The following LRRC36 variants were observed in gnomAD, a reference collection of about 807,000 sequenced individuals.
LRRC36 encodes leucine rich repeat containing 36.
A neutral mutation model predicts 81.1 loss-of-function variants in LRRC36; 62 were observed. That is an observed-to-expected ratio of 0.76 (90% CI 0.62 to 0.94). The LOEUF is 0.94. Among genes scored for constraint, LRRC36 ranks in the 40% least tolerant of loss-of-function variants. The pLI is 0.00. For missense variants in LRRC36, 761 were observed against 881.7 expected (o/e 0.86, Z 1.73); for synonymous variants, 334 against 348.6 (o/e 0.96, Z 0.47).
At chr16:67,353,717 TATCTC>T (rs1203209261) in intron 5 of LRRC36, among the ~76,000 whole-genome samples, 4 of 152,144 alleles carry the variant, frequency 2.6e-5, no homozygotes, top group African/African-American at 9.7e-5. Flanking sequence ...CATGGTTAAT[TATCTC>T]AGTTAATCCT....
chr16:67,363,503 T>C, intron 5 of LRRC36, 87 bp from the exon 6 acceptor site: 1 of 1,395,444 alleles, frequency 7.2e-7, no homozygotes, highest in Non-Finnish European at 9.9e-7. Context: ...ATCTTGTGAC[T>C]TTCCTTTTAG....
chr16:67,335,565 T>C (rs1242985827), intron 1 of LRRC36, among the ~76,000 whole-genome samples: 2 of 152,202 alleles, frequency 1.3e-5, no homozygotes, highest in South Asian at 2.1e-4. Flanking sequence ...TTTACGAAGA[T>C]GACGGAATTA....
intron 1 of LRRC36, among the ~76,000 whole-genome samples, chr16:67,332,336 G>A (rs563468096): frequency 2.6e-5 from 4 of 152,258 alleles, no homozygotes; most frequent in African/African-American, 9.6e-5. Context: ...GGCGAATCAC[G>A]AGGTCAGGAG....
At chr16:67,346,676 T>C (rs1354829225) in intron 3 of LRRC36, among the ~76,000 whole-genome samples, 2 of 152,202 alleles carry the variant, frequency 1.3e-5, no homozygotes, top group Non-Finnish European at 2.9e-5. Context: ...TTTTCTTCAG[T>C]TGATGGTTTC....
intron 2 of LRRC36, among the ~76,000 whole-genome samples, chr16:67,344,428 GAAACAAAC>G (rs1223944106): frequency 6.6e-6 from 1 of 151,952 alleles, no homozygotes; most frequent in Non-Finnish European, 1.5e-5. Flanking sequence ...CTACAAAACA[GAAACAAAC>G]AAACAAACAA....
Position 67,378,526 on chromosome 16 carries a change from C to T in LRRC36, c.1807-63C>T, listed in dbSNP as rs2039995794. ...AAGTGCTAGGATTACAGGCGTGAGC[C>T]ACGGCACCCAGCCTAGAATGTCAGA... is the stretch of plus-strand genomic sequence containing the variant. On this transcript the variant is annotated intron_variant, in intron 11 of 13. Coordinates refer to ENST00000329956, the MANE Select transcript of LRRC36 (RefSeq NM_018296.6). 2.6e-6 allele frequency: 4 copies of T among 1,546,040 alleles called. No individual in the cohort carries two copies. In the South Asian group the frequency reaches 4.5e-5, roughly 18 times the overall value.
intron 13 of LRRC36, among the ~76,000 whole-genome samples, chr16:67,383,814 C>T (rs982719503): frequency 6.6e-6 from 1 of 152,192 alleles, no homozygotes; most frequent in African/African-American, 2.4e-5. Flanking sequence ...CCTTTCCTGT[C>T]TTTGCTGTCC....
At chr16:67,354,527 C>T (rs2038811317) in intron 5 of LRRC36, among the ~76,000 whole-genome samples, 3 of 152,184 alleles carry the variant, frequency 2.0e-5, no homozygotes, top group African/African-American at 7.2e-5. Context: ...ATCCACCCAC[C>T]TGGGCCTCCC....
chr16:67,346,779 A>G (rs928606109), intron 3 of LRRC36, among the ~76,000 whole-genome samples: 3 of 152,196 alleles, frequency 2.0e-5, no homozygotes, highest in Admixed American at 2.0e-4. Context: ...TAGAAAGCTA[A>G]TACAATTTAT....
At chr16:67,335,975 G>T (rs527260696) in intron 1 of LRRC36, among the ~76,000 whole-genome samples, 9 of 152,102 alleles carry the variant, frequency 5.9e-5, no homozygotes, top group Admixed American at 5.9e-4. Context: ...CAGGTGATCC[G>T]CCCGTCTCGG....
chr16:67,385,137 T>A lies in LRRC36; in HGVS notation c.*48T>A. On this transcript the variant is annotated 3_prime_UTR_variant, in exon 14 of 14. Transcript: ENST00000329956. The stretch of plus-strand genomic sequence containing the variant: ...CAGCTTCCCTGGTCCACAGAGGCTC[T>A]CACCGCCATTGCCACCAGTATGGTG... The A allele has an allele frequency of 7.0e-7, 1 of 1,422,032 alleles. No homozygotes were observed. The highest frequency in any genetic ancestry group is 9.9e-7 in the Non-Finnish European group (1 of 1,012,272). The allele number at this position is 1,422,032 out of a possible 1,614,324, so 88.1% of individuals were successfully genotyped here.
At chr16:67,382,779 C>A (rs148040286) in intron 13 of LRRC36, among the ~76,000 whole-genome samples, 12,359 of 152,126 alleles carry the variant, frequency 0.081, 784 homozygotes, top group African/African-American at 0.18. Flanking sequence ...GTCAAGAGAT[C>A]GAGACCATCC....
intron 5 of LRRC36, among the ~76,000 whole-genome samples, chr16:67,357,181 G>T (rs1208694692): frequency 6.6e-6 from 1 of 152,088 alleles, no homozygotes; most frequent in African/African-American, 2.4e-5. Context: ...GCAGTGTTTT[G>T]CTATATAGTT....
chr16:67,348,121 C>T (rs1355685806), intron 4 of LRRC36, among the ~76,000 whole-genome samples: 7 of 152,164 alleles, frequency 4.6e-5, no homozygotes, highest in Non-Finnish European at 2.9e-5. Context: ...CTTCTACCCC[C>T]AAACCTATGC....
At chr16:67,375,534 A>AG in intron 10 of LRRC36, 122 bp downstream of exon 10, 1 of 729,232 alleles carries the variant, frequency 1.4e-6, no homozygotes, top group Non-Finnish European at 2.1e-6. Flanking sequence ...TCACATCCTG[A>AG]AACATCTCAG....
intron 1 of LRRC36, among the ~76,000 whole-genome samples, chr16:67,337,370 CTT>C (rs200896654): frequency 3.6e-5 from 5 of 139,436 alleles, no homozygotes; most frequent in Non-Finnish European, 4.7e-5. Context: ...TCTTTTCTTT[CTT>C]TTTTTTTTTT....
rs562641529 is a variant in LRRC36 at position 67,341,916 on chromosome 16, G to A, written c.71-41G>A. On this transcript the variant is annotated intron_variant, in intron 1 of 13. Transcript: ENST00000329956. The stretch of plus-strand genomic sequence containing the variant: ...CTTTCACTGACTCTGCTGTTGATCC[G>A]AGCAGGGATCATAATATATCTACTG... 1.6e-5 allele frequency: 25 copies of A among 1,566,752 alleles called. No homozygotes were observed. In the East Asian group the frequency reaches 4.3e-4, roughly 27 times the overall value.
intron 13 of LRRC36, among the ~76,000 whole-genome samples, chr16:67,382,473 C>T (rs547680436): frequency 6.6e-6 from 1 of 152,128 alleles, no homozygotes; most frequent in South Asian, 2.1e-4. Flanking sequence ...TGCAACACCT[C>T]GATAATTAGC....
intron 10 of LRRC36, among the ~76,000 whole-genome samples, chr16:67,375,742 A>G (rs1350096824): frequency 1.3e-5 from 2 of 152,184 alleles, no homozygotes; most frequent in African/African-American, 2.4e-5. Context: ...ATCCTTGGGA[A>G]AGTGCCAATA....
Sources: gnomAD v4.1 joint callset for allele counts (sites outside exome capture counted in the v4.1 genomes callset) on GRCh38, gnomAD v4.1.1 for gene constraint, MANE v1.5 for transcripts, NCBI Gene and HGNC (gene_info 2026-07-23, HGNC 2026-07-21) for gene names.